Variants in NEK10 observed in about 807,000 individuals in gnomAD.
The protein encoded by NEK10 is NIMA related kinase 10.
Under a neutral mutation model 159.8 loss-of-function variants are expected in NEK10, and 122 were observed. The ratio of observed to expected loss-of-function variants is 0.76; its 90% CI spans 0.66 to 0.89. The LOEUF (loss-of-function observed/expected upper bound fraction) is 0.89. Among genes scored for constraint, NEK10 ranks in the 40% least tolerant of loss-of-function variants. The probability of loss-of-function intolerance (pLI) is 0.00; values close to 1 mark genes in which losing one functional copy is unlikely to be tolerated. For synonymous variants in NEK10, 466 were observed against 457.1 expected, an observed-to-expected ratio of 1.02 and a Z score of -0.25; for missense variants, 1,342 against 1,323.1, an observed-to-expected ratio of 1.01 and a Z score of -0.22.
intron 23 of NEK10, among the ~76,000 whole-genome samples, chr3:27,244,944 G>A (rs373010450): frequency 6.6e-6 from 1 of 152,046 alleles, no homozygotes; most frequent in Admixed American, 6.6e-5. Context: ...GCTGTCTATT[G>A]GGCTACCACA....
At position 27,115,974 on chromosome 3, in the gene NEK10, C is replaced by A; in HGVS notation, c.3265G>T (p.Glu1089Ter). ...QMQTVIEEVLEESGYYNFTSN... is the reference protein window; with the variant it reads ...QMQTVIEEVL The stretch of plus-strand genomic sequence containing the variant: ...GTAAAATTGTAATAGCCACTTTCCT[C>A]AAGGACTTCTTCAATCACAGTCTAA... Residue 1089 changes from glutamate (E) to a stop codon, truncating the protein, a stop_gained, in exon 35 of 36, where the codon GAG becomes TAG. Transcript: ENST00000691995. LOFTEE classifies it high-confidence loss of function. 1 of 1,613,080 alleles carries A rather than the reference C, an allele frequency of 6.2e-7. No homozygotes were observed.
chr3:27,230,805 C>T (rs1953167447), intron 23 of NEK10, among the ~76,000 whole-genome samples: 1 of 151,832 alleles, frequency 6.6e-6, no homozygotes, highest in Non-Finnish European at 1.5e-5. Context: ...AAGGATTAGT[C>T]CAATGAGAAG....
chr3:27,181,568 T>C (rs1948109402), intron 26 of NEK10, among the ~76,000 whole-genome samples: 1 of 152,162 alleles, frequency 6.6e-6, no homozygotes, highest in African/African-American at 2.4e-5. Flanking sequence ...AAAGGTCAAC[T>C]GTATTCAGGT....
intron 1 of NEK10, among the ~76,000 whole-genome samples, chr3:27,355,622 C>G (rs75958375): frequency 0.02 from 3,057 of 152,230 alleles, 53 homozygotes; most frequent in East Asian, 0.065. Flanking sequence ...AAGCCACCAT[C>G]TTCTCTGCCT....
At chr3:27,169,626 G>T (rs1314721710) in intron 29 of NEK10, among the ~76,000 whole-genome samples, 4 of 152,184 alleles carry the variant, frequency 2.6e-5, no homozygotes, top group Admixed American at 2.6e-4. Context: ...GACTAAACAA[G>T]AAAAGGATTT....
intron 12 of NEK10, among the ~76,000 whole-genome samples, chr3:27,304,278 C>T (rs1019766191): frequency 6.6e-6 from 1 of 152,194 alleles, no homozygotes; most frequent in South Asian, 2.1e-4. Flanking sequence ...GGATTGTACA[C>T]CTGCTCCTTT....
At chr3:27,227,714 C>T (rs1952781496) in intron 23 of NEK10, among the ~76,000 whole-genome samples, 1 of 152,166 alleles carries the variant, frequency 6.6e-6, no homozygotes, top group South Asian at 2.1e-4. Flanking sequence ...AGGTGATACC[C>T]ATAACCAAGG....
chr3:27,214,179 G>C (rs1048423702), intron 23 of NEK10, among the ~76,000 whole-genome samples: 2 of 152,134 alleles, frequency 1.3e-5, no homozygotes, highest in Admixed American at 6.6e-5. Context: ...CTACCTTTCT[G>C]GACCAAATCA....
intron 26 of NEK10, among the ~76,000 whole-genome samples, chr3:27,178,548 T>G (rs1366759746): frequency 6.6e-6 from 1 of 152,222 alleles, no homozygotes; most frequent in Non-Finnish European, 1.5e-5. Context: ...TGCTACCAGG[T>G]GCTAGAAATT....
Position 27,192,029 on chromosome 3 carries a change from G to A in NEK10, c.2505C>T (p.His835=), listed in dbSNP as rs781667676. Residue 835 remains histidine, a splice_region_variant and synonymous_variant, in exon 26 of 36, where the codon CAC becomes CAT. Transcript: ENST00000691995. The part of the protein sequence containing the change: ...TCHHELAVLS[H]ETFEKASLSS... ...AACCGATTGAAATATTTGCACTTAC[G>A]TGAGATAGAACAGCCAGCTCATGGT... The A allele has an allele frequency of 2.4e-5, 38 of 1,613,796 alleles. No individual in the cohort carries two copies. In the Admixed American group the frequency reaches 2.5e-4, roughly 11 times the overall value.
intron 3 of NEK10, among the ~76,000 whole-genome samples, chr3:27,351,388 T>G (rs1191720767): frequency 6.6e-6 from 1 of 152,130 alleles, no homozygotes; most frequent in East Asian, 1.9e-4. Context: ...AAGCACACAC[T>G]GCAAAGATAG....
intron 30 of NEK10, among the ~76,000 whole-genome samples, chr3:27,152,930 A>G (rs1384180103): frequency 1.3e-5 from 2 of 152,242 alleles, no homozygotes. Context: ...ACATTATAAA[A>G]TGGTAAAAGG....
chr3:27,309,097 G>C (rs2044472517), intron 9 of NEK10, 92 bp from the exon 10 acceptor site: 1 of 629,074 alleles, frequency 1.6e-6, no homozygotes, highest in African/African-American at 1.9e-5. Context: ...ATTACCAGCT[G>C]CTTGAATGAC....
chr3:27,293,945 T>G (rs1302099830), intron 15 of NEK10, among the ~76,000 whole-genome samples: 1 of 152,192 alleles, frequency 6.6e-6, no homozygotes, highest in Non-Finnish European at 1.5e-5. Context: ...AGAAATAAAA[T>G]TCCGATGCTG....
At chr3:27,132,721 A>T (rs190342797) in intron 31 of NEK10, among the ~76,000 whole-genome samples, 1 of 152,166 alleles carries the variant, frequency 6.6e-6, no homozygotes, top group Non-Finnish European at 1.5e-5. Context: ...AGATGAAGTG[A>T]CATTTAGAAG....
At chr3:27,122,120 T>C (rs1361477333) in intron 32 of NEK10, among the ~76,000 whole-genome samples, 2 of 152,068 alleles carry the variant, frequency 1.3e-5, no homozygotes, top group Non-Finnish European at 2.9e-5. Flanking sequence ...AACTGATAAC[T>C]GAGGTAATTG....
In NEK10 at chr3:27,109,098, G is replaced by T. The variant is rs373519540; in HGVS notation, c.*2174C>A. On this transcript the variant is annotated 3_prime_UTR_variant, in exon 36 of 36. Transcript: ENST00000691995. ...TCACCTAAAAGAGTTACATGCAATG[G>T]CTGGGCACAGTGGCTCACGCCTCTA... Among the ~76,000 whole-genome samples, 1 of 152,170 alleles carries T rather than the reference G, an allele frequency of 6.6e-6. No individual in the cohort carries two copies. The highest frequency in any genetic ancestry group is 2.1e-4 in the South Asian group (1 of 4,834).
chr3:27,193,009 CAGAT>C (rs1401251509), intron 25 of NEK10, among the ~76,000 whole-genome samples: 10 of 152,210 alleles, frequency 6.6e-5, no homozygotes, highest in Non-Finnish European at 1.5e-4. Context: ...TTCTAAGACT[CAGAT>C]AGCCCACCTG....
At chr3:27,191,389 G>C (rs1244622740) in intron 26 of NEK10, among the ~76,000 whole-genome samples, 1 of 152,144 alleles carries the variant, frequency 6.6e-6, no homozygotes. Flanking sequence ...GATTGTGATT[G>C]CAACAAAGAC....
Sources: gnomAD v4.1 joint callset for allele counts (sites outside exome capture counted in the v4.1 genomes callset) on GRCh38, gnomAD v4.1.1 for gene constraint, MANE v1.5 for transcripts, NCBI Gene and HGNC (gene_info 2026-07-23, HGNC 2026-07-21) for gene names.